The following ETV6 variants were observed in gnomAD, a reference collection of about 807,000 sequenced individuals.
ETV6 encodes ETS variant transcription factor 6.
A neutral mutation model predicts 51.1 loss-of-function variants in ETV6; 16 were observed. The ratio of observed to expected loss-of-function variants is 0.31; its 90% CI spans 0.21 to 0.48. The LOEUF is 0.48. ETV6 is among the 20% of genes least tolerant of loss of function. ETV6 has a pLI of 0.99. For synonymous variants in ETV6, 240 were observed against 224.1 expected, an observed-to-expected ratio of 1.07 and a Z score of -0.64; for missense variants, 458 against 594.8, an observed-to-expected ratio of 0.77 and a Z score of 2.39.
At chr12:11,890,880 C>T (rs1947276203) in intron 7 of ETV6, 61 bp from the exon 8 acceptor site, 1 of 1,266,428 alleles carries the variant, frequency 7.9e-7, no homozygotes, top group Non-Finnish European at 1.2e-6. Context: ...GGCTAGAGTT[C>T]AGAGTGAAGA....
intron 2 of ETV6, among the ~76,000 whole-genome samples, chr12:11,810,155 G>A (rs552389734): frequency 6.6e-6 from 1 of 152,040 alleles, no homozygotes; most frequent in Non-Finnish European, 1.5e-5. Flanking sequence ...CTGTGAGCTG[G>A]TCCTGAGTAT....
At chr12:11,799,771 T>C (rs924073959) in intron 2 of ETV6, among the ~76,000 whole-genome samples, 5 of 152,090 alleles carry the variant, frequency 3.3e-5, no homozygotes, top group African/African-American at 7.2e-5. Context: ...GTGTGTTTTA[T>C]TTTTTATTTT....
Position 11,809,427 on chromosome 12 carries a change from A to C in ETV6, c.164-29713A>C, listed in dbSNP as rs550596361. Among the ~76,000 whole-genome samples, 6 of 152,338 alleles carry C rather than the reference A, an allele frequency of 3.9e-5. No individual in the cohort carries two copies. The South Asian group carries it at 1.2e-3, about 32-fold the overall frequency. On this transcript the variant is annotated intron_variant, in intron 2 of 7. Transcript: ENST00000396373. ...TAGCTAAAGGAACGTATTATCAGCTATTGATTTCCTCTTCTAATAAAGAGG... is the reference window on the plus strand; with the variant it reads ...TAGCTAAAGGAACGTATTATCAGCTCTTGATTTCCTCTTCTAATAAAGAGG...
intron 2 of ETV6, among the ~76,000 whole-genome samples, chr12:11,790,830 A>G (rs895899184): frequency 3.3e-5 from 5 of 151,802 alleles, no homozygotes; most frequent in South Asian, 2.1e-4. Context: ...GGCGCGCGCC[A>G]CCACACCCGG....
intron 2 of ETV6, among the ~76,000 whole-genome samples, chr12:11,796,588 G>A (rs1458208793): frequency 2.6e-5 from 4 of 152,088 alleles, no homozygotes; most frequent in African/African-American, 4.8e-5. Context: ...TCCTAAAGGC[G>A]CCTCTTACTC....
chr12:11,762,724 AT>A (rs1272751229), intron 2 of ETV6, among the ~76,000 whole-genome samples: 4 of 152,178 alleles, frequency 2.6e-5, no homozygotes, highest in African/African-American at 9.7e-5. Flanking sequence ...CAAGGAAAGT[AT>A]TTCTAAATAG....
At chr12:11,743,100 G>A (rs746832058) in intron 1 of ETV6, among the ~76,000 whole-genome samples, 1 of 152,112 alleles carries the variant, frequency 6.6e-6, no homozygotes, top group Non-Finnish European at 1.5e-5. Flanking sequence ...GAGCCACTGC[G>A]CCAGACCTCT....
intron 1 of ETV6, among the ~76,000 whole-genome samples, chr12:11,719,846 T>C (rs1264114547): frequency 6.6e-6 from 1 of 152,220 alleles, no homozygotes; most frequent in Non-Finnish European, 1.5e-5. Context: ...CACTGGCTCT[T>C]TCAGCCACTT....
At chr12:11,842,863 G>A (rs891053249) in intron 3 of ETV6, among the ~76,000 whole-genome samples, 2 of 152,108 alleles carry the variant, frequency 1.3e-5, no homozygotes, top group Non-Finnish European at 2.9e-5. Context: ...GCACAAAGTG[G>A]CTAGCTAAGA....
At chr12:11,732,347 T>C (rs1172227721) in intron 1 of ETV6, among the ~76,000 whole-genome samples, 1 of 152,176 alleles carries the variant, frequency 6.6e-6, no homozygotes, top group African/African-American at 2.4e-5. Flanking sequence ...ATCTCAAATA[T>C]TTCTGTTGAT....
intron 1 of ETV6, among the ~76,000 whole-genome samples, chr12:11,692,821 G>A (rs929924188): frequency 1.1e-4 from 17 of 152,240 alleles, no homozygotes; most frequent in South Asian, 1.0e-3. Context: ...AGGCTGAGGC[G>A]GATGGATTGC....
intron 2 of ETV6, among the ~76,000 whole-genome samples, chr12:11,789,326 T>C (rs1051386071): frequency 2.6e-5 from 4 of 151,990 alleles, no homozygotes; most frequent in Admixed American, 6.6e-5. Flanking sequence ...GCCACGATCG[T>C]ATTTCTTGTT....
At chr12:11,650,379 C>G (rs193111790) in intron 1 of ETV6, among the ~76,000 whole-genome samples, 1 of 119,200 alleles carries the variant, frequency 8.4e-6, no homozygotes, top group African/African-American at 2.7e-5. Context: ...GGCTCCTCGG[C>G]CCCCACCCCC....
intron 2 of ETV6, chr12:11,826,463 T>C (rs1244636383): frequency 6.6e-6 from 1 of 151,806 alleles, no homozygotes; most frequent in East Asian, 1.9e-4. Context: ...CCGAAGGGAG[T>C]GAGGGCTCCT....
chr12:11,880,077 G>A (rs529376183), intron 5 of ETV6, among the ~76,000 whole-genome samples: 6 of 149,392 alleles, frequency 4.0e-5, no homozygotes, highest in African/African-American at 1.5e-4. Flanking sequence ...TGTGTGGTCA[G>A]GCAGTTATTT....
chr12:11,743,048 T>A (rs1474634995), intron 1 of ETV6, among the ~76,000 whole-genome samples: 2 of 152,136 alleles, frequency 1.3e-5, no homozygotes, highest in African/African-American at 4.8e-5. Context: ...GCTCGAGGGA[T>A]CCTCTTGCCC....
At chr12:11,663,891 G>A (rs1864147556) in intron 1 of ETV6, among the ~76,000 whole-genome samples, 1 of 152,148 alleles carries the variant, frequency 6.6e-6, no homozygotes, top group South Asian at 2.1e-4. Context: ...TCTTTAAGCT[G>A]GCTTAAGTGA....
intron 5 of ETV6, among the ~76,000 whole-genome samples, chr12:11,879,561 C>T (rs556302243): frequency 1.2e-4 from 18 of 152,254 alleles, no homozygotes; most frequent in African/African-American, 3.9e-4. Context: ...CCTTTAGCTG[C>T]GGATACCGAG....
chr12:11,869,221 GT>G lies in ETV6; in HGVS notation c.464-202del. On this transcript the variant is annotated intron_variant, in intron 4 of 7. Transcript: ENST00000396373. The surrounding 1 kb of genome is among the most constrained non-coding windows in gnomAD (Gnocchi z 5.0). ...ACTGCACTCCAGCCTGGGCAACAGAGTGAGACTCCATCTCAAACAGAAAAAA... is the reference window on the plus strand; with the variant it reads ...ACTGCACTCCAGCCTGGGCAACAGAGGAGACTCCATCTCAAACAGAAAAAA... Among the ~76,000 whole-genome samples, 1 of 149,126 alleles carries G rather than the reference GT, an allele frequency of 6.7e-6. No homozygotes were observed. The highest frequency in any genetic ancestry group is 1.9e-4 in the East Asian group (1 of 5,134).
Sources: gnomAD v4.1 joint callset for allele counts (sites outside exome capture counted in the v4.1 genomes callset) on GRCh38, gnomAD v4.1.1 for gene constraint, Gnocchi (gnomAD v3.1) non-coding constraint, MANE v1.5 for transcripts, NCBI Gene and HGNC (gene_info 2026-07-23, HGNC 2026-07-21) for gene names.